Variants in HMGB1 observed in about 807,000 individuals in gnomAD.
HMGB1 encodes high mobility group box 1.
For missense variants in HMGB1, 79 were observed against 253.5 expected (o/e 0.31, Z 4.67); for synonymous variants, 81 against 84.0 (o/e 0.96, Z 0.19).
intron 1 of HMGB1, among the ~76,000 whole-genome samples, chr13:30,589,007 CTT>C (rs1292576513): frequency 7.8e-5 from 11 of 141,662 alleles, no homozygotes; most frequent in Non-Finnish European, 9.3e-5. Context: ...TAGTTTACCA[CTT>C]TTTTTTTTTT....
intron 1 of HMGB1, among the ~76,000 whole-genome samples, chr13:30,472,225 A>G (rs6490465): frequency 0.56 from 84,441 of 151,854 alleles, 24,686 homozygotes; most frequent in African/African-American, 0.74. Flanking sequence ...GTTGCAGTGA[A>G]TGGAGACTAC....
In HMGB1 at chr13:30,461,507, T is replaced by C. The variant is rs1192830830; in HGVS notation, c.498A>G (p.Gly166=). Reference sequence around the variant, plus strand: ...CTCCCTTTTTTGCTGCATCAGGCTTTCCTTTAGCTCGATATGCAGCAATAT... The same window carrying C: ...CTCCCTTTTTTGCTGCATCAGGCTTCCCTTTAGCTCGATATGCAGCAATAT... ...EKDIAAYRAK[G]KPDAAKKGVV... The change falls in exon 5 of 5, where the codon GGA becomes GGG. Residue 166 remains glycine, a synonymous_variant. Transcript: ENST00000341423. 5.1e-6 allele frequency: 8 copies of C among 1,571,982 alleles called. No homozygotes were observed. The highest frequency in any genetic ancestry group is 6.9e-6 in the Non-Finnish European group (8 of 1,156,648).
At chr13:30,464,500 G>A (rs1886586708) in intron 1 of HMGB1, 24 of 984,726 alleles carry the variant, frequency 2.4e-5, no homozygotes, top group Non-Finnish European at 2.9e-5. Flanking sequence ...TTCGCCGGTG[G>A]CCGCGCGGCC....
intron 1 of HMGB1, among the ~76,000 whole-genome samples, chr13:30,471,654 CTTTTTTTTTTTTTTT>C (rs1171119586): frequency 2.3e-4 from 7 of 30,616 alleles, no homozygotes; most frequent in East Asian, 1.3e-3. Flanking sequence ...CGTGCCCGGC[CTTTTTTTTTTTTTTT>C]TTTTTTTTTT....
chr13:30,510,090 A>T (rs1207553863), intron 1 of HMGB1, among the ~76,000 whole-genome samples: 3 of 152,188 alleles, frequency 2.0e-5, no homozygotes, highest in Non-Finnish European at 2.9e-5. Context: ...AACCACCTGC[A>T]TCCCGTACTC....
chr13:30,477,728 C>CAAA (rs1265621998), intron 1 of HMGB1, among the ~76,000 whole-genome samples: 2 of 152,220 alleles, frequency 1.3e-5, no homozygotes, highest in African/African-American at 4.8e-5. Flanking sequence ...CTGAGTGAGG[C>CAAA]TCCCCACCTT....
At chr13:30,597,447 A>T (rs2137559753) in intron 1 of HMGB1, among the ~76,000 whole-genome samples, 1 of 152,304 alleles carries the variant, frequency 6.6e-6, no homozygotes, top group South Asian at 2.1e-4. Flanking sequence ...AACCGTAAGA[A>T]AATAAATTTT....
chr13:30,514,212 A>T (rs569321562), intron 1 of HMGB1, among the ~76,000 whole-genome samples: 1 of 151,966 alleles, frequency 6.6e-6, no homozygotes, highest in East Asian at 2.0e-4. Context: ...GATGCACATT[A>T]CCTCATGATA....
chr13:30,554,333 T>G (rs1869576980), intron 1 of HMGB1: 2 of 919,542 alleles, frequency 2.2e-6, no homozygotes, highest in South Asian at 2.6e-5. Flanking sequence ...AGGCACTGGG[T>G]GCACGGGCAC....
Position 30,462,603 on chromosome 13 carries a change from T to C in HMGB1, c.406A>G (p.Thr136Ala). 6.2e-7 allele frequency: 1 copy of C among 1,609,898 alleles called. No individual in the cohort carries two copies. Among genetic ancestry groups the C allele is most frequent in the Non-Finnish European group, 8.5e-7 (1 of 1,176,178 alleles). Residue 136 changes from threonine to alanine, a missense_variant, in exon 4 of 5, where the codon ACT (threonine) becomes GCT (alanine). Thr to Ala is a moderately conservative substitution (Grantham distance 58, BLOSUM62 0). Coordinates refer to ENST00000341423, the MANE Select transcript of HMGB1 (RefSeq NM_002128.7). ...AKKLGEMWNN[T>A]AADDKQPYEK... ...TAAGGCTGCTTGTCATCTGCAGCAG[T>C]GTTATTCCACATCTCTCCCAGTTTC...
chr13:30,614,231 G>A (rs1045426325), intron 1 of HMGB1, among the ~76,000 whole-genome samples: 3 of 152,190 alleles, frequency 2.0e-5, no homozygotes, highest in African/African-American at 4.8e-5. Context: ...TTTGAACCAC[G>A]TGAATGAATG....
chr13:30,609,188 G>A (rs991470401), intron 1 of HMGB1, among the ~76,000 whole-genome samples: 5 of 152,172 alleles, frequency 3.3e-5, no homozygotes, highest in Non-Finnish European at 7.4e-5. Flanking sequence ...GCGTGAACCC[G>A]GAAGGCGGAG....
intron 1 of HMGB1, among the ~76,000 whole-genome samples, chr13:30,565,431 T>C (rs370070965): frequency 5.9e-5 from 9 of 152,194 alleles, no homozygotes; most frequent in Non-Finnish European, 1.2e-4. Flanking sequence ...CTCAGGGGCA[T>C]AGATTGTCAG....
rs17074712 is a variant in HMGB1, at chr13:30,553,838, C to T, written c.-15+62833G>A. Reference sequence around the variant, plus strand: ...ACAGAGATGTAAGCCCATATGATCACAGTCGTGTTAAACTGCAGAATACTG... The same window carrying T: ...ACAGAGATGTAAGCCCATATGATCATAGTCGTGTTAAACTGCAGAATACTG... On this transcript the variant is annotated intron_variant, in intron 1 of 4. Transcript: ENST00000405805. 23,621 of 1,356,130 alleles carry T rather than the reference C, an allele frequency of 0.017. 2,997 individuals are homozygous for T. In the African/African-American group the frequency reaches 0.29, roughly 17 times the overall value. The allele number at this position is 1,356,130 out of a possible 1,614,324, so 84.0% of individuals were successfully genotyped here.
chr13:30,461,751 T>C (rs1886354366), intron 4 of HMGB1: 3 of 1,234,964 alleles, frequency 2.4e-6, no homozygotes, highest in African/African-American at 1.5e-5. Flanking sequence ...TGAAATGGCA[T>C]AGTCTAATAT....
At chr13:30,498,063 A>G (rs1211134308) in intron 1 of HMGB1, among the ~76,000 whole-genome samples, 1 of 152,196 alleles carries the variant, frequency 6.6e-6, no homozygotes, top group Non-Finnish European at 1.5e-5. Flanking sequence ...GGACTAATTT[A>G]CATTCCTACC....
chr13:30,613,118 G>A (rs1218353129), intron 1 of HMGB1, among the ~76,000 whole-genome samples: 3 of 152,098 alleles, frequency 2.0e-5, no homozygotes, highest in Non-Finnish European at 4.4e-5. Flanking sequence ...TGGTCTCTGT[G>A]GTCCAGGCTG....
chr13:30,473,859 A>G lies in HMGB1; in HGVS notation c.-14-10165T>C, dbSNP rs112136097. Among the ~76,000 whole-genome samples, 210 of 152,370 alleles carry G rather than the reference A, an allele frequency of 1.4e-3. 1 individual carries two copies. The highest frequency in any genetic ancestry group is 5.0e-3 in the African/African-American group (207 of 41,586). Reference sequence around the variant, plus strand: ...AAAAGTGGAAAACACCCAAATGCCCATCAACTGATGAGTGGATAAATCGAA... The same window carrying G: ...AAAAGTGGAAAACACCCAAATGCCCGTCAACTGATGAGTGGATAAATCGAA... On this transcript the variant is annotated intron_variant, in intron 1 of 4. Coordinates refer to the HMGB1 transcript ENST00000405805.
intron 1 of HMGB1, among the ~76,000 whole-genome samples, chr13:30,529,827 C>T (rs1888455336): frequency 6.6e-6 from 1 of 152,204 alleles, no homozygotes; most frequent in Admixed American, 6.5e-5. Flanking sequence ...CTCCCACACA[C>T]ATCTTCTCTC....
Sources: allele counts gnomAD v4.1 joint callset (sites outside exome capture counted in the v4.1 genomes callset), GRCh38; gene constraint gnomAD v4.1.1; transcripts MANE v1.5; gene names NCBI Gene and HGNC (gene_info 2026-07-23, HGNC 2026-07-21).